The following CENPM variants were observed in gnomAD, a reference collection of about 807,000 sequenced individuals.
The protein encoded by CENPM is interphase centromere complex protein 39.
In CENPM, 14 loss-of-function variants were observed where a neutral mutation model predicts 19.6. The ratio of observed to expected loss-of-function variants is 0.71; its 90% confidence interval spans 0.47 to 1.11. The LOEUF (loss-of-function observed/expected upper bound fraction) is 1.11, where lower values mean the gene tolerates loss of function less well. Among genes scored for constraint, CENPM ranks in the 50% most tolerant of loss-of-function variants. The pLI is 0.00. For missense variants in CENPM, 239 were observed against 228.4 expected (o/e 1.05, Z -0.30); for synonymous variants, 114 against 101.5 (o/e 1.12, Z -0.74).
At chr22:41,936,252 C>G (rs565456309), downstream of CENPM, among the ~76,000 whole-genome samples, 1 of 152,336 alleles carries the variant, frequency 6.6e-6, no homozygotes, top group African/African-American at 2.4e-5. Context: ...TGCCAGTTAG[C>G]TGTGTGACTG....
At chr22:41,930,284 C>A in the CENPM span, among the ~76,000 whole-genome samples, 2 of 151,558 alleles carry the variant, frequency 1.3e-5, no homozygotes, top group African/African-American at 2.4e-5. Flanking sequence ...GGCTGGAGTG[C>A]AGTGGCGTGA....
chr22:41,929,254 G>C, the CENPM span, among the ~76,000 whole-genome samples: 3 of 152,206 alleles, frequency 2.0e-5, no homozygotes, highest in East Asian at 5.8e-4. Context: ...CCATAACCCT[G>C]CCACCCACAT....
the CENPM span, among the ~76,000 whole-genome samples, chr22:41,930,415 T>A: frequency 6.6e-6 from 1 of 151,932 alleles, no homozygotes; most frequent in Non-Finnish European, 1.5e-5. Flanking sequence ...GTATTTTTAG[T>A]AGAAATGGGG....
chr22:41,929,920 CTTAT>C, the CENPM span, among the ~76,000 whole-genome samples: 1 of 127,194 alleles, frequency 7.9e-6, no homozygotes, highest in South Asian at 2.8e-4. Flanking sequence ...TCAATGTATT[CTTAT>C]TTCCCCGTGG....
At chr22:41,945,057 A>G (rs932314519) in intron 4 of CENPM, 168 bp downstream of exon 4, 9 of 1,482,142 alleles carry the variant, frequency 6.1e-6, no homozygotes, top group Middle Eastern at 2.4e-4. Flanking sequence ...CCCATTAGTT[A>G]TTTTTCCAGA....
chr22:41,935,927 G>A (rs1030685806), downstream of CENPM, among the ~76,000 whole-genome samples: 8 of 150,964 alleles, frequency 5.3e-5, no homozygotes, highest in African/African-American at 1.7e-4. Flanking sequence ...CTGGAGTGCA[G>A]TGGTGCAATC....
chr22:41,933,089 CT>C, the CENPM span, among the ~76,000 whole-genome samples: 1 of 152,070 alleles, frequency 6.6e-6, no homozygotes, highest in African/African-American at 2.4e-5. Flanking sequence ...GGATGGTGAC[CT>C]CGGAACAGAG....
chr22:41,928,063 C>A, the CENPM span: 10 of 275,686 alleles, frequency 3.6e-5, no homozygotes, highest in Admixed American at 4.3e-4. The surrounding 1 kb of genome is among the most constrained non-coding windows in gnomAD (Gnocchi z 4.0). Flanking sequence ...GTGCTGGGAC[C>A]GAAAGGCTGG....
At chr22:41,945,635 AG>A (rs2077791577) in intron 3 of CENPM, among the ~76,000 whole-genome samples, 1 of 151,968 alleles carries the variant, frequency 6.6e-6, no homozygotes, top group Non-Finnish European at 1.5e-5. Flanking sequence ...ATTTTAGTAG[AG>A]ACGGGGTTTC....
intron 5 of CENPM, among the ~76,000 whole-genome samples, chr22:41,941,334 G>A (rs564581527): frequency 2.6e-5 from 4 of 152,360 alleles, no homozygotes; most frequent in African/African-American, 7.2e-5. Flanking sequence ...TGCTCCATCT[G>A]AGGGATGCAG....
chr22:41,945,514 G>C (rs998292211), intron 3 of CENPM: 19 of 1,005,526 alleles, frequency 1.9e-5, no homozygotes, highest in Non-Finnish European at 2.3e-5. Flanking sequence ...GCAGTAGCGC[G>C]ATCTTGGCTC....
downstream of CENPM, among the ~76,000 whole-genome samples, chr22:41,934,797 A>C (rs948598827): frequency 1.3e-5 from 2 of 152,220 alleles, no homozygotes; most frequent in Non-Finnish European, 2.9e-5. Context: ...GACCTGCCTG[A>C]GGTCACGCCA....
At chr22:41,931,062 C>T in the CENPM span, among the ~76,000 whole-genome samples, 9 of 151,758 alleles carry the variant, frequency 5.9e-5, no homozygotes, top group Non-Finnish European at 8.8e-5. Flanking sequence ...TCTCGAACTC[C>T]TGGTCTCAAG....
At chr22:41,945,150 T>C (rs748623380) in intron 4 of CENPM, 75 bp downstream of exon 4, 152 of 1,606,722 alleles carry the variant, frequency 9.5e-5, no homozygotes, top group Non-Finnish European at 1.2e-4. Context: ...CCAGGGTGCC[T>C]CAGCAAGAAG....
At chr22:41,930,400 T>A in the CENPM span, among the ~76,000 whole-genome samples, 259 of 151,872 alleles carry the variant, frequency 1.7e-3, 2 homozygotes, top group Non-Finnish European at 2.7e-3. Context: ...TGGCTAAATT[T>A]TTTTGTATTT....
At position 41,944,733 on chromosome 22, in the gene CENPM, C is replaced by T. The variant is rs908280212; in HGVS notation, c.310+492G>A. 12 of 985,210 alleles carry T rather than the reference C, an allele frequency of 1.2e-5. No individual in the cohort carries two copies. The South Asian group carries it at 1.4e-4, about 12-fold the overall frequency. The allele number at this position is 985,210 out of a possible 1,614,324, so 61.0% of individuals were successfully genotyped here. Reference sequence around the variant, plus strand: ...AGCTGACCCAGAGAAGGAGAGTCACCGGAGATGAGACTAGCTCAGAAGGCA... The same window carrying T: ...AGCTGACCCAGAGAAGGAGAGTCACTGGAGATGAGACTAGCTCAGAAGGCA... On this transcript the variant is annotated intron_variant, in intron 4 of 5. Coordinates refer to ENST00000215980, the MANE Select transcript of CENPM (RefSeq NM_024053.5).
Position 41,946,414 on chromosome 22 carries a change from TAC to T in CENPM, c.137+1_137+2del. Reference sequence around the variant, plus strand: ...GGCCCAGGCCACAGCCGCGGCTACTTACACCTTCAGCTCGGAGGCGCAGTCCT... The same window carrying T: ...GGCCCAGGCCACAGCCGCGGCTACTTACCTTCAGCTCGGAGGCGCAGTCCT... On this transcript the variant is annotated splice_donor_variant, in intron 2 of 5. Coordinates refer to ENST00000215980, the MANE Select transcript of CENPM (RefSeq NM_024053.5). LOFTEE classifies it high-confidence loss of function. The T allele has an allele frequency of 6.2e-7, 1 of 1,612,694 alleles. No individual in the cohort carries two copies. The highest frequency in any genetic ancestry group is 8.5e-7 in the Non-Finnish European group (1 of 1,179,688).
chr22:41,941,425 A>G (rs1346281501), intron 5 of CENPM, among the ~76,000 whole-genome samples: 1 of 152,086 alleles, frequency 6.6e-6, no homozygotes, highest in Non-Finnish European at 1.5e-5. Flanking sequence ...TGCCCAGGCC[A>G]AGAGAGAACC....
chr22:41,933,980 A>G (rs1894712), downstream of CENPM, among the ~76,000 whole-genome samples: 152,325 of 152,326 alleles, frequency 1, 76,162 homozygotes, highest in Non-Finnish European at 1. Context: ...GTTTCTCTCC[A>G]AGCCTCACAA....
Sources: allele counts gnomAD v4.1 joint callset (sites outside exome capture counted in the v4.1 genomes callset), GRCh38; gene constraint gnomAD v4.1.1; non-coding constraint Gnocchi (gnomAD v3.1); transcripts MANE v1.5; gene names NCBI Gene and HGNC (gene_info 2026-07-23, HGNC 2026-07-21).